Variants in SRFBP1 observed in about 807,000 individuals in gnomAD.
SRFBP1 encodes serum response factor-binding protein 1.
SRFBP1 carries 47 observed loss-of-function variants against 45.5 expected under a neutral mutation model. The observed-to-expected ratio is 1.03, with a 90% CI of 0.82 to 1.32. The LOEUF (loss-of-function observed/expected upper bound fraction) is 1.32. Ranked by LOEUF, SRFBP1 falls within the 40% of genes most tolerant of loss-of-function variation. SRFBP1 has a pLI of 0.00. For synonymous variants in SRFBP1, 203 were observed against 166.3 expected, an observed-to-expected ratio of 1.22 and a Z score of -1.70; for missense variants, 621 against 484.6, an observed-to-expected ratio of 1.28 and a Z score of -2.64.
At chr5:122,020,031 C>A in intron 5 of SRFBP1, 57 bp from the exon 6 acceptor site, 1 of 1,228,848 alleles carries the variant, frequency 8.1e-7, no homozygotes. Flanking sequence ...TGTCCTAAAA[C>A]AGTCATGTTT....
At chr5:121,964,436 A>C (rs1752018802) in intron 1 of SRFBP1, among the ~76,000 whole-genome samples, 1 of 152,102 alleles carries the variant, frequency 6.6e-6, no homozygotes, top group African/African-American at 2.4e-5. Context: ...GAGTGAGAAC[A>C]TGCAGTGTTT....
At chr5:121,997,381 CT>C (rs1752752123) in intron 4 of SRFBP1, among the ~76,000 whole-genome samples, 1 of 151,348 alleles carries the variant, frequency 6.6e-6, no homozygotes, top group Admixed American at 6.6e-5. Flanking sequence ...ACTGTCTGAT[CT>C]TTGACAAACC....
At chr5:122,047,956 G>T (rs1281743693) in intron 2 of SRFBP1, among the ~76,000 whole-genome samples, 2 of 152,104 alleles carry the variant, frequency 1.3e-5, no homozygotes, top group African/African-American at 2.4e-5. Context: ...CTGAGATGAT[G>T]GGGTTTTCTA....
intron 2 of SRFBP1, among the ~76,000 whole-genome samples, chr5:122,042,163 T>C (rs1295544144): frequency 1.3e-5 from 2 of 152,244 alleles, no homozygotes; most frequent in African/African-American, 4.8e-5. Context: ...TCTGTTTCTA[T>C]TTTAATCTGA....
At chr5:121,968,248 T>C (rs927895563) in intron 1 of SRFBP1, among the ~76,000 whole-genome samples, 3 of 149,456 alleles carry the variant, frequency 2.0e-5, no homozygotes, top group Non-Finnish European at 3.0e-5. Context: ...TTATTATTAT[T>C]ATTATTATTT....
intron 4 of SRFBP1, among the ~76,000 whole-genome samples, chr5:122,019,000 ATATT>A (rs1476542260): frequency 2.6e-5 from 4 of 152,148 alleles, no homozygotes; most frequent in Middle Eastern, 3.2e-3. Flanking sequence ...AATTCTGAGA[ATATT>A]AAGTATCGTA....
intron 4 of SRFBP1, among the ~76,000 whole-genome samples, chr5:122,002,318 T>C (rs936563072): frequency 6.6e-6 from 1 of 152,236 alleles, no homozygotes; most frequent in African/African-American, 2.4e-5. Context: ...TTCATTCTTA[T>C]TCATTCTTCT....
rs1753247169 is a variant in SRFBP1 at position 122,019,309 on chromosome 5, C to T, written c.320C>T (p.Pro107Leu). 6.2e-7 allele frequency: 1 copy of T among 1,612,414 alleles called. No homozygotes were observed. Among genetic ancestry groups the T allele is most frequent in the Non-Finnish European group, 8.5e-7 (1 of 1,179,096 alleles). The change falls in exon 5 of 8, where the codon CCT becomes CTT. Residue 107 changes from proline (P) to leucine (L), a missense_variant. Transcript: ENST00000339397. ...ERAIARLAVH[P>L]LLKKKIDVLK... ...GCAATTGCCAGACTAGCAGTACATC[C>T]TCTTCTGAAGAAAAAGATAGATGTG... is the stretch of plus-strand genomic sequence containing the variant.
chr5:121,973,194 T>C (rs1394310578), intron 1 of SRFBP1, among the ~76,000 whole-genome samples: 1 of 151,780 alleles, frequency 6.6e-6, no homozygotes, highest in Non-Finnish European at 1.5e-5. Flanking sequence ...GCTTGCTGTC[T>C]ATAGAAAAAG....
chr5:122,024,791 C>A (rs1350623689), intron 7 of SRFBP1, among the ~76,000 whole-genome samples: 1 of 152,038 alleles, frequency 6.6e-6, no homozygotes, highest in Non-Finnish European at 1.5e-5. Flanking sequence ...TGAGACTATC[C>A]AAATAAAGGG....
intron 2 of SRFBP1, among the ~76,000 whole-genome samples, chr5:122,073,482 A>T (rs1248233324): frequency 2.6e-5 from 4 of 152,198 alleles, no homozygotes; most frequent in Admixed American, 2.6e-4. Context: ...CCATTTGCTA[A>T]CCGCAACCAC....
intron 1 of SRFBP1, among the ~76,000 whole-genome samples, chr5:121,965,156 G>A (rs1250077655): frequency 1.3e-5 from 2 of 152,152 alleles, no homozygotes; most frequent in Admixed American, 1.3e-4. Flanking sequence ...TCACTCTGAT[G>A]ATAGTTGCTT....
intron 3 of SRFBP1, among the ~76,000 whole-genome samples, chr5:121,988,538 G>A (rs1256556781): frequency 1.3e-5 from 2 of 152,300 alleles, no homozygotes; most frequent in East Asian, 3.9e-4. Context: ...CCATCATAAG[G>A]TAACAACATG....
At chr5:122,020,857 A>G in intron 6 of SRFBP1, 55 bp downstream of exon 6, 1 of 1,409,292 alleles carries the variant, frequency 7.1e-7, no homozygotes, top group Non-Finnish European at 9.4e-7. Flanking sequence ...AAAAAGCTAT[A>G]AATGTCTACT....
chr5:122,041,145 G>A (rs925783323), intron 2 of SRFBP1, among the ~76,000 whole-genome samples: 10 of 152,122 alleles, frequency 6.6e-5, no homozygotes, highest in African/African-American at 2.4e-4. Context: ...GAGGCTATTA[G>A]AATAATCTAA....
rs937006652 is a variant in SRFBP1, at chr5:122,045,013, T to C, written n.311+22606T>C. Among the ~76,000 whole-genome samples, 3 of 152,212 alleles carry C rather than the reference T, an allele frequency of 2.0e-5. No homozygotes were observed. In the South Asian group the frequency reaches 6.2e-4, roughly 32 times the overall value. ...TTAGTTTTTACATTTAAGTCTTTAA[T>C]CCATCTTGAGTTAATTTTTGTATCT... On this transcript the variant is annotated intron_variant and non_coding_transcript_variant, in intron 2 of 2. Coordinates refer to the SRFBP1 transcript ENST00000504881.
intron 2 of SRFBP1, chr5:122,070,313 A>G: frequency 1.5e-6 from 1 of 656,430 alleles, no homozygotes; most frequent in Non-Finnish European, 2.7e-6. Flanking sequence ...ATGGAAAGAG[A>G]CTGCATATTT....
At chr5:122,039,491 A>G (rs188873122) in intron 2 of SRFBP1, among the ~76,000 whole-genome samples, 91 of 152,336 alleles carry the variant, frequency 6.0e-4, no homozygotes, top group Admixed American at 9.2e-4. Context: ...AATATTTCCC[A>G]GCCTCCATAA....
intron 2 of SRFBP1, among the ~76,000 whole-genome samples, chr5:122,039,718 A>G (rs1227089049): frequency 6.6e-6 from 1 of 152,150 alleles, no homozygotes; most frequent in Non-Finnish European, 1.5e-5. Context: ...TCCCAAGTCC[A>G]TCCAGTCTTT....
Sources: allele counts gnomAD v4.1 joint callset (sites outside exome capture counted in the v4.1 genomes callset), GRCh38; gene constraint gnomAD v4.1.1; transcripts MANE v1.5; gene names NCBI Gene and HGNC (gene_info 2026-07-23, HGNC 2026-07-21).